RIMBP2: variants seen among roughly 807,000 people sequenced by gnomAD.
RIMBP2 encodes RIMS-binding protein 2.
RIMBP2 carries 48 observed loss-of-function variants against 118.6 expected under a neutral mutation model. That is an observed-to-expected ratio of 0.40 (90% confidence interval 0.32 to 0.51). RIMBP2 has a LOEUF of 0.51. Ranked by LOEUF, RIMBP2 falls within the 20% of genes least tolerant of loss-of-function variation. The pLI, the probability that RIMBP2 is intolerant of heterozygous loss-of-function variation, is 0.41. For missense variants in RIMBP2, 1,551 were observed against 1,768.3 expected (o/e 0.88, Z 2.20); for synonymous variants, 762 against 742.9 (o/e 1.03, Z -0.42).
At chr12:130,493,579 T>G (rs2048850486) in intron 4 of RIMBP2, among the ~76,000 whole-genome samples, 1 of 152,164 alleles carries the variant, frequency 6.6e-6, no homozygotes, top group Admixed American at 6.5e-5. Context: ...CCTCCCAAAG[T>G]GCTGGGATTC....
intron 2 of RIMBP2, among the ~76,000 whole-genome samples, chr12:130,558,339 T>C (rs948189049): frequency 1.3e-5 from 2 of 152,180 alleles, no homozygotes; most frequent in Non-Finnish European, 2.9e-5. Context: ...TTTGGACATA[T>C]GGGATCATAA....
chr12:130,432,399 A>G, intron 14 of RIMBP2: 1 of 434,666 alleles, frequency 2.3e-6, no homozygotes, highest in Non-Finnish European at 4.6e-6. Context: ...CATGTAATAC[A>G]CAGAAAGCCT....
At chr12:130,686,816 G>C (rs917104983) in intron 1 of RIMBP2, among the ~76,000 whole-genome samples, 4 of 152,200 alleles carry the variant, frequency 2.6e-5, no homozygotes, top group Admixed American at 2.6e-4. Flanking sequence ...GTGTGGACTG[G>C]AAAAGGTGTC....
At chr12:130,542,292 C>T (rs947198713) in intron 2 of RIMBP2, among the ~76,000 whole-genome samples, 3 of 152,180 alleles carry the variant, frequency 2.0e-5, no homozygotes, top group African/African-American at 7.2e-5. Context: ...CAGGAAGTGA[C>T]TGCAGTCTTG....
intron 2 of RIMBP2, among the ~76,000 whole-genome samples, chr12:130,522,129 C>T (rs551206581): frequency 9.8e-5 from 15 of 152,310 alleles, no homozygotes; most frequent in East Asian, 7.7e-4. Flanking sequence ...AGCTACAGAA[C>T]GTGCCAGTTA....
At position 130,430,625 on chromosome 12, in the gene RIMBP2, A is replaced by ATTTTTTTTTT. The variant is rs11392769; in HGVS notation, c.2254-2298_2254-2289dup. ...ACTAATTAACTTGACTGGGACAGTC[A>ATTTTTTTTTT]TTTTTTTTTTTTTTTTTTTTTTTGA... On this transcript the variant is annotated intron_variant, in intron 14 of 22. Transcript: ENST00000690449. 7 of 92,926 alleles carry ATTTTTTTTTT rather than the reference A, an allele frequency of 7.5e-5. 1 individual carries two copies. Among genetic ancestry groups the ATTTTTTTTTT allele is most frequent in the African/African-American group, 2.7e-4 (6 of 22,234 alleles). The allele number at this position is 92,926 out of a possible 1,614,324, so 5.8% of individuals were successfully genotyped here. A position where few individuals can be genotyped will look rare whatever the true frequency, so the allele number is the denominator to read the frequency against.
rs1003895428 is a variant in RIMBP2, at chr12:130,522,654, T to C, written c.-216-4737A>G. Among the ~76,000 whole-genome samples, 7 of 151,840 alleles carry C rather than the reference T, an allele frequency of 4.6e-5. No homozygotes were observed. The South Asian group carries it at 1.5e-3, about 32-fold the overall frequency. On this transcript the variant is annotated intron_variant, in intron 2 of 22. Coordinates refer to ENST00000690449, the MANE Select transcript of RIMBP2 (RefSeq NM_001393629.1). The stretch of plus-strand genomic sequence containing the variant: ...GACTTGTGCAGAGTCCAAGTGCAGG[T>C]GGGGTGAGGGGAGGTGCAGGGAGCC...
chr12:130,671,723 G>T, intron 1 of RIMBP2, among the ~76,000 whole-genome samples: 1 of 76,512 alleles, frequency 1.3e-5, no homozygotes, highest in Non-Finnish European at 2.5e-5. Flanking sequence ...CCCCACCCCA[G>T]CTGTGATAAC....
intron 1 of RIMBP2, chr12:130,668,182 G>A (rs1017266508): frequency 1.3e-5 from 2 of 152,212 alleles, no homozygotes; most frequent in South Asian, 4.1e-4. Flanking sequence ...ACCCAATGCT[G>A]AGGAATGAGT....
intron 5 of RIMBP2, among the ~76,000 whole-genome samples, chr12:130,477,202 A>C (rs1036144448): frequency 1.3e-5 from 2 of 152,236 alleles, no homozygotes; most frequent in Non-Finnish European, 2.9e-5. Flanking sequence ...CACACAGAAG[A>C]GATCGTGGAC....
intron 1 of RIMBP2, among the ~76,000 whole-genome samples, chr12:130,636,498 G>T (rs991401309): frequency 1.3e-5 from 2 of 152,192 alleles, no homozygotes; most frequent in Non-Finnish European, 2.9e-5. Flanking sequence ...TGACTCAGCT[G>T]TGAAGTAGGT....
In RIMBP2 at chr12:130,646,262, T is replaced by A. The variant is rs796150182; in HGVS notation, c.-351-17806A>T. ...CTCCACCTCCCTCACCACTTCCCTCTCCACCTGCCTCACCACCTCCCTCAC... is the reference window on the plus strand; with the variant it reads ...CTCCACCTCCCTCACCACTTCCCTCACCACCTGCCTCACCACCTCCCTCAC... On this transcript the variant is annotated intron_variant, in intron 1 of 22. Transcript: ENST00000690449. Among the ~76,000 whole-genome samples the A allele has an allele frequency of 5.5e-3, 79 of 14,310 alleles. 16 individuals carry two copies. The highest frequency in any genetic ancestry group is 0.017 in the East Asian group (2 of 118). The allele number at this position is 14,310 out of a possible 152,430, so 9.4% of individuals were successfully genotyped here.
intron 1 of RIMBP2, among the ~76,000 whole-genome samples, chr12:130,640,067 C>G (rs186073553): frequency 5.3e-5 from 8 of 152,266 alleles, no homozygotes; most frequent in Admixed American, 1.3e-4. Flanking sequence ...CTGCACAGGT[C>G]ATGCCTGTAC....
intron 3 of RIMBP2, among the ~76,000 whole-genome samples, chr12:130,507,056 T>G (rs757954714): frequency 7.2e-5 from 11 of 152,150 alleles, no homozygotes; most frequent in Admixed American, 2.6e-4. Context: ...ATCAGTGTAA[T>G]CTCATCCCCT....
rs532966541 is a variant in RIMBP2, at chr12:130,664,565, C to T, written c.-351-36109G>A. Reference sequence around the variant, plus strand: ...CGGCTGTCATGAGCACTCCTCACACCCAGATCTTGATTTCTAAATATCACT... The same window carrying T: ...CGGCTGTCATGAGCACTCCTCACACTCAGATCTTGATTTCTAAATATCACT... On this transcript the variant is annotated intron_variant, in intron 1 of 22. Coordinates refer to ENST00000690449, the MANE Select transcript of RIMBP2 (RefSeq NM_001393629.1). Among the ~76,000 whole-genome samples the T allele has an allele frequency of 2.7e-4, 41 of 151,714 alleles. 1 individual carries two copies. The highest frequency in any genetic ancestry group is 4.4e-4 in the Non-Finnish European group (30 of 68,008).
intron 7 of RIMBP2, among the ~76,000 whole-genome samples, chr12:130,452,612 C>T (rs1017724002): frequency 3.3e-5 from 5 of 152,378 alleles, no homozygotes; most frequent in African/African-American, 7.2e-5. Flanking sequence ...CTCCCAGCCA[C>T]GAGAGTCACC....
intron 2 of RIMBP2, among the ~76,000 whole-genome samples, chr12:130,573,329 G>T (rs1220995579): frequency 6.6e-6 from 1 of 152,030 alleles, no homozygotes; most frequent in Non-Finnish European, 1.5e-5. Context: ...AGGATCAGAG[G>T]TCAATATTTT....
intron 1 of RIMBP2, among the ~76,000 whole-genome samples, chr12:130,652,360 C>T (rs1485551432): frequency 5.3e-5 from 8 of 152,222 alleles, no homozygotes; most frequent in African/African-American, 9.6e-5. Context: ...CAAAGCTGAA[C>T]ATGTTTACCA....
intron 4 of RIMBP2, among the ~76,000 whole-genome samples, chr12:130,496,645 C>T (rs1049090993): frequency 3.3e-5 from 5 of 150,204 alleles, no homozygotes; most frequent in African/African-American, 1.2e-4. Flanking sequence ...GTCGGGCCCC[C>T]AGCAGCTATG....
Sources: gnomAD v4.1 joint callset for allele counts (sites outside exome capture counted in the v4.1 genomes callset) on GRCh38, gnomAD v4.1.1 for gene constraint, MANE v1.5 for transcripts, NCBI Gene and HGNC (gene_info 2026-07-23, HGNC 2026-07-21) for gene names.